The following DPP10 variants were observed in gnomAD, a reference collection of about 807,000 sequenced individuals.
The protein encoded by DPP10 is dipeptidyl peptidase like 10, also known as inactive dipeptidyl peptidase 10.
Under a neutral mutation model 120.9 loss-of-function variants are expected in DPP10, and 33 were observed. That is an observed-to-expected ratio of 0.27 (90% CI 0.21 to 0.37). DPP10 has a LOEUF of 0.37. Among genes scored for constraint, DPP10 ranks in the 10% least tolerant of loss-of-function variants. DPP10 has a pLI of 1.00. For missense variants in DPP10, 816 were observed against 942.8 expected (o/e 0.87, Z 1.76); for synonymous variants, 337 against 326.1 (o/e 1.03, Z -0.36).
intron 1 of DPP10, among the ~76,000 whole-genome samples, chr2:114,447,890 A>G (rs1678032275): frequency 6.6e-6 from 1 of 152,214 alleles, no homozygotes; most frequent in Non-Finnish European, 1.5e-5. Flanking sequence ...TCTCTTAGCA[A>G]TGGTCTACAT....
intron 1 of DPP10, among the ~76,000 whole-genome samples, chr2:114,937,588 T>A (rs1270154320): frequency 6.6e-6 from 1 of 152,204 alleles, no homozygotes; most frequent in Non-Finnish European, 1.5e-5. Flanking sequence ...CAACTTTCTC[T>A]TGTGGCACTG....
At chr2:115,351,601 G>C (rs1204417520) in intron 3 of DPP10, among the ~76,000 whole-genome samples, 1 of 152,040 alleles carries the variant, frequency 6.6e-6, no homozygotes, top group Admixed American at 6.6e-5. Context: ...CCTAGTTCCT[G>C]ATTCACAGAC....
chr2:115,152,776 C>T (rs1043410875), intron 1 of DPP10, among the ~76,000 whole-genome samples: 1 of 152,110 alleles, frequency 6.6e-6, no homozygotes, highest in Non-Finnish European at 1.5e-5. Context: ...GCACCAGCCA[C>T]CTAAGACCTT....
chr2:114,588,484 T>C (rs1261520523), intron 1 of DPP10, among the ~76,000 whole-genome samples: 2 of 152,216 alleles, frequency 1.3e-5, no homozygotes, highest in Admixed American at 1.3e-4. Context: ...ATGTATTATA[T>C]AATTTCAAAT....
intron 2 of DPP10, among the ~76,000 whole-genome samples, chr2:115,312,749 C>T (rs894422181): frequency 6.6e-6 from 1 of 152,120 alleles, no homozygotes; most frequent in Non-Finnish European, 1.5e-5. Context: ...CTCTGATCTT[C>T]CCTCTGTCCA....
chr2:115,226,334 C>T (rs575554163), intron 1 of DPP10, among the ~76,000 whole-genome samples: 39 of 152,056 alleles, frequency 2.6e-4, no homozygotes, highest in African/African-American at 8.7e-4. Context: ...AAATGTATTC[C>T]GAACTCATTT....
chr2:115,016,969 A>G (rs1219127725), intron 1 of DPP10, among the ~76,000 whole-genome samples: 1 of 151,220 alleles, frequency 6.6e-6, no homozygotes, highest in Non-Finnish European at 1.5e-5. Flanking sequence ...AGAAAACCAA[A>G]CACCGCATGT....
At chr2:114,776,205 A>G (rs1329239771) in intron 1 of DPP10, among the ~76,000 whole-genome samples, 2 of 152,226 alleles carry the variant, frequency 1.3e-5, no homozygotes, top group East Asian at 1.9e-4. Flanking sequence ...GATCCAATTG[A>G]GTGAACAATT....
intron 1 of DPP10, among the ~76,000 whole-genome samples, chr2:115,283,596 C>T (rs975196406): frequency 2.6e-5 from 4 of 151,970 alleles, no homozygotes; most frequent in Non-Finnish European, 4.4e-5. Context: ...TAGGATTTTA[C>T]TCTTAGTTCA....
intron 19 of DPP10, among the ~76,000 whole-genome samples, chr2:115,813,963 A>G (rs1396472267): frequency 6.6e-6 from 1 of 152,210 alleles, no homozygotes; most frequent in Non-Finnish European, 1.5e-5. Flanking sequence ...TATTGGAACT[A>G]TATCTAGGTA....
At chr2:115,600,042 C>G (rs1043953140) in intron 5 of DPP10, among the ~76,000 whole-genome samples, 1 of 151,780 alleles carries the variant, frequency 6.6e-6, no homozygotes, top group African/African-American at 2.4e-5. Flanking sequence ...CCCAGAGCGC[C>G]GTCACCTGTT....
intron 5 of DPP10, among the ~76,000 whole-genome samples, chr2:115,551,267 A>T (rs2079854956): frequency 6.6e-6 from 1 of 152,170 alleles, no homozygotes; most frequent in Non-Finnish European, 1.5e-5. Context: ...GGCCAAAATG[A>T]ATAGTATAAG....
intron 3 of DPP10, among the ~76,000 whole-genome samples, chr2:115,443,636 T>C (rs573250150): frequency 5.5e-4 from 83 of 152,284 alleles, no homozygotes; most frequent in African/African-American, 1.9e-3. Flanking sequence ...ATTCACAAAA[T>C]GTGGTTCTCA....
At chr2:115,354,718 A>T (rs535384266) in intron 3 of DPP10, among the ~76,000 whole-genome samples, 1 of 151,602 alleles carries the variant, frequency 6.6e-6, no homozygotes, top group African/African-American at 2.4e-5. Context: ...ACCCAACAAT[A>T]GGCCCTGGTG....
At chr2:114,944,056 C>A (rs1183105985) in intron 1 of DPP10, among the ~76,000 whole-genome samples, 4 of 151,958 alleles carry the variant, frequency 2.6e-5, no homozygotes, top group Admixed American at 1.3e-4. Context: ...TGTTAAATAT[C>A]TTAGGGTAAT....
At chr2:115,593,662 A>T (rs145765068) in intron 5 of DPP10, among the ~76,000 whole-genome samples, 84 of 152,280 alleles carry the variant, frequency 5.5e-4, no homozygotes, top group East Asian at 4.6e-3. Context: ...AAAACTCAAA[A>T]CTAATGGACA....
chr2:114,900,727 A>G (rs1693489378), intron 1 of DPP10, among the ~76,000 whole-genome samples: 1 of 152,180 alleles, frequency 6.6e-6, no homozygotes, highest in South Asian at 2.1e-4. Context: ...TTCTTCTAGT[A>G]TGGTTATTAC....
chr2:114,699,195 A>G (rs773404802), intron 1 of DPP10, among the ~76,000 whole-genome samples: 15 of 152,138 alleles, frequency 9.9e-5, no homozygotes, highest in Non-Finnish European at 1.9e-4. Context: ...ATAACATGCT[A>G]TATACATCTT....
At chr2:114,933,870 T>C (rs577543476) in intron 1 of DPP10, among the ~76,000 whole-genome samples, 1 of 152,270 alleles carries the variant, frequency 6.6e-6, no homozygotes, top group South Asian at 2.1e-4. Flanking sequence ...CATGCTGGTG[T>C]CGTTAGTCAC....
Sources: gnomAD v4.1 joint callset for allele counts (sites outside exome capture counted in the v4.1 genomes callset) on GRCh38, gnomAD v4.1.1 for gene constraint, MANE v1.5 for transcripts, NCBI Gene and HGNC (gene_info 2026-07-23, HGNC 2026-07-21) for gene names.